Variants in PLXNA1 observed in about 807,000 individuals in gnomAD.
PLXNA1 encodes plexin-A1.
Under a neutral mutation model 191.7 loss-of-function variants are expected in PLXNA1, and 77 were observed. The ratio of observed to expected loss-of-function variants is 0.40; its 90% CI spans 0.33 to 0.49. The LOEUF (loss-of-function observed/expected upper bound fraction) is 0.49, where lower values mean the gene tolerates loss of function less well. PLXNA1 is among the 20% of genes least tolerant of loss of function. The pLI is 0.63. For synonymous variants in PLXNA1, 1,137 were observed against 1,156.4 expected (o/e 0.98, Z 0.34); for missense variants, 2,110 against 2,660.2 (o/e 0.79, Z 4.55).
At position 127,022,179 on chromosome 3, in the gene PLXNA1, A is replaced by G. The variant is rs751244010; in HGVS notation, c.4133A>G (p.Gln1378Arg). ...ACCTTCATCCGCACGCTGGAGGCAC[A>G]GCGCAGCTTCTCCATGCGCGACCGC... is the stretch of plus-strand genomic sequence containing the variant. ...LLTFIRTLEA[Q>R]RSFSMRDRGN... The change falls in exon 22 of 32, where the codon CAG (glutamine) becomes CGG (arginine). Residue 1378 changes from glutamine (Q) to arginine (R), a missense_variant. Coordinates refer to ENST00000393409, the MANE Select transcript of PLXNA1 (RefSeq NM_032242.4). 4.6e-5 allele frequency: 74 copies of G among 1,613,298 alleles called. No homozygotes were observed. Among genetic ancestry groups the G allele is most frequent in the Non-Finnish European group, 6.1e-5 (72 of 1,180,004 alleles).
chr3:126,984,391 G>A (rs116344324), intron 1 of PLXNA1, among the ~76,000 whole-genome samples: 4,010 of 152,318 alleles, frequency 0.026, 83 homozygotes, highest in Middle Eastern at 0.041. Flanking sequence ...CCTTTCACAC[G>A]TAGCCGGTTT....
At chr3:127,008,595 C>T (rs577931500) in intron 9 of PLXNA1, among the ~76,000 whole-genome samples, 4 of 152,282 alleles carry the variant, frequency 2.6e-5, no homozygotes, top group Non-Finnish European at 2.9e-5. Flanking sequence ...CCATCCCCAC[C>T]GGGTCTGGCT....
At chr3:127,013,612 C>A (rs748659864) in intron 10 of PLXNA1, among the ~76,000 whole-genome samples, 5 of 152,258 alleles carry the variant, frequency 3.3e-5, no homozygotes, top group African/African-American at 4.8e-5. Context: ...GATCTCCCAC[C>A]TCAAGGCAGG....
intron 3 of PLXNA1, among the ~76,000 whole-genome samples, chr3:127,001,631 C>T (rs1466478854): frequency 2.6e-5 from 4 of 152,378 alleles, no homozygotes; most frequent in Middle Eastern, 3.4e-3. Flanking sequence ...CCCCAGCCTC[C>T]ACCCAGTCTG....
At chr3:127,030,502 C>T (rs1576692915) in intron 29 of PLXNA1, 90 bp downstream of exon 29, 1 of 1,474,122 alleles carries the variant, frequency 6.8e-7, no homozygotes, top group East Asian at 2.3e-5. Flanking sequence ...CCGGAGCCCC[C>T]ACTTGGGGCT....
At chr3:127,017,953 C>T (rs1386156039) in intron 19 of PLXNA1, 61 bp downstream of exon 19, 2 of 1,589,978 alleles carry the variant, frequency 1.3e-6, no homozygotes, top group Admixed American at 1.7e-5. Flanking sequence ...TGGACCCTGC[C>T]CCACTAGCAC....
intron 23 of PLXNA1, among the ~76,000 whole-genome samples, chr3:127,023,846 C>T (rs527770862): frequency 2.6e-5 from 4 of 151,884 alleles, no homozygotes; most frequent in Non-Finnish European, 4.4e-5. Context: ...GAAGACCAGG[C>T]GGGGGGAGGG....
chr3:127,020,984 G>A (rs185236801), intron 21 of PLXNA1, among the ~76,000 whole-genome samples: 1 of 152,354 alleles, frequency 6.6e-6, no homozygotes, highest in Non-Finnish European at 1.5e-5. Context: ...GGCCCCCAGC[G>A]GCAGGCAGGC....
chr3:127,030,075 C>G lies in PLXNA1; in HGVS notation c.5061+11C>G, dbSNP rs1346654140. ...CTACTGGCCACCAAGGTGGGCCTGG[C>G]TGGCAGATGGGGGCAGGGGACGCTG... On this transcript the variant is annotated intron_variant, in intron 28 of 31. Coordinates refer to ENST00000393409, the MANE Select transcript of PLXNA1 (RefSeq NM_032242.4). 2 of 1,608,992 alleles carry G rather than the reference C, an allele frequency of 1.2e-6. No individual in the cohort carries two copies. Among genetic ancestry groups the G allele is most frequent in the East Asian group, 2.2e-5 (1 of 44,736 alleles).
chr3:127,028,450 G>C (rs2079188210), intron 25 of PLXNA1, 110 bp downstream of exon 25: 3 of 1,281,230 alleles, frequency 2.3e-6, no homozygotes, highest in Non-Finnish European at 3.2e-6. Context: ...TCCACACCAG[G>C]CTGGTCTGGA....
chr3:127,018,015 G>T, intron 19 of PLXNA1, 123 bp downstream of exon 19: 1 of 1,345,116 alleles, frequency 7.4e-7, no homozygotes, highest in Non-Finnish European at 1.0e-6. Context: ...GAGGGCGCCC[G>T]GCTCCAGTGC....
chr3:127,003,548 G>T, intron 4 of PLXNA1, 78 bp downstream of exon 4: 1 of 1,458,294 alleles, frequency 6.9e-7, no homozygotes. Flanking sequence ...AGAGCAGTAG[G>T]GGTGGGGCCA....
intron 14 of PLXNA1, 117 bp downstream of exon 14, chr3:127,014,948 A>G: frequency 4.1e-6 from 6 of 1,467,618 alleles, no homozygotes; most frequent in Non-Finnish European, 5.5e-6. Flanking sequence ...CTGCTTTTCC[A>G]CGGCCTGGGT....
intron 9 of PLXNA1, among the ~76,000 whole-genome samples, chr3:127,008,743 G>A (rs1456970658): frequency 6.6e-6 from 1 of 152,124 alleles, no homozygotes; most frequent in Non-Finnish European, 1.5e-5. Flanking sequence ...CTGCCAGGCT[G>A]GGGGCTGGGG....
At chr3:127,024,037 AAC>A (rs2079165567) in intron 23 of PLXNA1, among the ~76,000 whole-genome samples, 1 of 152,320 alleles carries the variant, frequency 6.6e-6, no homozygotes, top group South Asian at 2.1e-4. Flanking sequence ...GGAAGCAGGT[AAC>A]ACAAAGTCGT....
At chr3:127,031,167 C>T (rs1282129236) in intron 29 of PLXNA1, among the ~76,000 whole-genome samples, 1 of 152,210 alleles carries the variant, frequency 6.6e-6, no homozygotes, top group African/African-American at 2.4e-5. Flanking sequence ...CACAGGCAGG[C>T]CAGCCCTTGG....
Position 127,004,831 on chromosome 3 carries a change from A to G in PLXNA1, c.1620-54A>G, listed in dbSNP as rs2079057761. 5 of 1,569,234 alleles carry G rather than the reference A, an allele frequency of 3.2e-6. No individual in the cohort carries two copies. In the Admixed American group the frequency reaches 8.9e-5, roughly 28 times the overall value. ...GTTCTCTGCCCAGGTCCCGCCTGGC[A>G]GGCGGGCCCCGTAGGTCTCCCCATC... On this transcript the variant is annotated intron_variant, in intron 5 of 31. Transcript: ENST00000393409.
intron 3 of PLXNA1, 148 bp from the exon 4 acceptor site, chr3:127,003,182 G>C: frequency 1.2e-6 from 1 of 822,436 alleles, no homozygotes; most frequent in Non-Finnish European, 1.7e-6. Context: ...GGGATGTGGA[G>C]AGTGAGTATG....
Position 126,991,516 on chromosome 3 carries a change from C to T in PLXNA1, c.1327C>T (p.Arg443Trp), listed in dbSNP as rs576258194. 1.2e-5 allele frequency: 19 copies of T among 1,610,398 alleles called. No homozygotes were observed. Among genetic ancestry groups the T allele is most frequent in the African/African-American group, 2.7e-5 (2 of 75,016 alleles). The part of the protein sequence containing the change: ...GLTAVAAYDY[R>W]GRTVVFAGTR... ...GACCGCCGTGGCTGCCTATGACTAT[C>T]GGGGCCGCACTGTGGTATTCGCCGG... Residue 443 changes from arginine to tryptophan, a missense_variant, in exon 3 of 32, where the codon CGG becomes TGG. By Grantham distance (101) the Arg-to-Trp change is moderately radical. Around this residue, in one of 4 missense-constraint regions of PLXNA1, gnomAD observed 903 missense variants for 1,015.7 expected, o/e 0.89. Coordinates refer to ENST00000393409, the MANE Select transcript of PLXNA1 (RefSeq NM_032242.4).
Sources: gnomAD v4.1 joint callset for allele counts (sites outside exome capture counted in the v4.1 genomes callset) on GRCh38, gnomAD v4.1.1 for gene constraint, gnomAD v4.1.1 regional missense constraint, MANE v1.5 for transcripts, NCBI Gene and HGNC (gene_info 2026-07-23, HGNC 2026-07-21) for gene names.